LAP3: variants seen among roughly 807,000 people sequenced by gnomAD.
LAP3 encodes leucine aminopeptidase 3, also known as cytosol aminopeptidase.
In LAP3, 46 loss-of-function variants were observed where a neutral mutation model predicts 58.8. The ratio of observed to expected loss-of-function variants is 0.78; its 90% CI spans 0.62 to 1.00. The LOEUF (loss-of-function observed/expected upper bound fraction) is 1.00. Among genes scored for constraint, LAP3 ranks in the 50% least tolerant of loss-of-function variants. The pLI is 0.00. For missense variants in LAP3, 615 were observed against 659.1 expected (o/e 0.93, Z 0.73); for synonymous variants, 257 against 237.7 (o/e 1.08, Z -0.75).
intron 10 of LAP3, 131 bp from the exon 11 acceptor site, chr4:17,604,457 C>A (rs1346521554): frequency 3.1e-6 from 2 of 646,828 alleles, no homozygotes; most frequent in Non-Finnish European, 5.6e-6. Flanking sequence ...GGAAAGATTT[C>A]CTAAGCTTAT....
chr4:17,583,113 A>G (rs1039643554), intron 4 of LAP3, among the ~76,000 whole-genome samples: 1 of 152,194 alleles, frequency 6.6e-6, no homozygotes, highest in African/African-American at 2.4e-5. Flanking sequence ...TTTCAGCGTC[A>G]TCATTTCCCT....
intron 7 of LAP3, 146 bp downstream of exon 7, chr4:17,589,123 T>C (rs1713612109): frequency 1.3e-6 from 1 of 770,086 alleles, no homozygotes; most frequent in Non-Finnish European, 2.0e-6. Context: ...TGCAGTGGCG[T>C]GATCTCGGCT....
chr4:17,597,258 T>C, intron 9 of LAP3, 124 bp downstream of exon 9: 2 of 764,460 alleles, frequency 2.6e-6, no homozygotes, highest in Non-Finnish European at 4.6e-6. Context: ...GTGCTGTCTT[T>C]AGTGCTGGGT....
chr4:17,594,427 A>C (rs1014275982), intron 7 of LAP3, among the ~76,000 whole-genome samples: 1 of 152,198 alleles, frequency 6.6e-6, no homozygotes, highest in Non-Finnish European at 1.5e-5. Context: ...TTTTGAAGGA[A>C]AGCAGACTTC....
intron 7 of LAP3, among the ~76,000 whole-genome samples, chr4:17,591,910 A>G (rs1236121030): frequency 2.6e-5 from 4 of 152,114 alleles, no homozygotes; most frequent in African/African-American, 9.7e-5. Flanking sequence ...TGAGATTTAT[A>G]CATACAGTGA....
intron 6 of LAP3, 98 bp from the exon 7 acceptor site, chr4:17,588,721 T>C: frequency 1.7e-6 from 2 of 1,148,430 alleles, no homozygotes; most frequent in Non-Finnish European, 1.2e-6. Context: ...TTTAAGAGTT[T>C]GTATATTATA....
chr4:17,577,476 T>G lies in LAP3; in HGVS notation c.11T>G (p.Leu4Arg), dbSNP rs1363795580. 6.3e-7 allele frequency: 1 copy of G among 1,578,910 alleles called. No individual in the cohort carries two copies. Among genetic ancestry groups the G allele is most frequent in the Non-Finnish European group, 8.6e-7 (1 of 1,164,236 alleles). The part of the protein sequence containing the change: MFL[L>R]PLPAAGRVVV... ...GGCCGAGCCGACAAGATGTTCTTGC[T>G]GCCTCTTCCGGCTGCGGGGCGAGTA... Residue 4 changes from leucine to arginine, a missense_variant, in exon 1 of 13, where the codon CTG becomes CGG. Leu to Arg is a moderately radical substitution (Grantham distance 102). Coordinates refer to ENST00000226299, the MANE Select transcript of LAP3 (RefSeq NM_015907.3).
At chr4:17,580,084 G>C (rs1213491734) in intron 2 of LAP3, 145 bp downstream of exon 2, 1 of 441,784 alleles carries the variant, frequency 2.3e-6, no homozygotes, top group East Asian at 4.1e-5. Flanking sequence ...TTCAACCTCT[G>C]CCTCCTGGGT....
Position 17,577,563 on chromosome 4 carries a change from C to G in LAP3, c.98C>G (p.Thr33Arg). Residue 33 changes from threonine (T) to arginine (R), a missense_variant, in exon 1 of 13, where the codon ACG becomes AGG. Thr to Arg is a moderately conservative substitution (Grantham distance 71, BLOSUM62 -1). Transcript: ENST00000226299. The stretch of plus-strand genomic sequence containing the variant: ...CGGAGTCTCTCCACCGCAGACATGA[C>G]GAAGGTGAGAGGCGGCGGCTCGCTC... ...GSRSLSTADM[T>R]KGLVLGIYSK... 8 of 1,554,208 alleles carry G rather than the reference C, an allele frequency of 5.1e-6. No individual in the cohort carries two copies. Among genetic ancestry groups the G allele is most frequent in the Non-Finnish European group, 7.0e-6 (8 of 1,149,998 alleles).
In LAP3 at chr4:17,591,440, C is replaced by T. The variant is rs184965430; in HGVS notation, c.863+2463C>T. Among the ~76,000 whole-genome samples the T allele has an allele frequency of 1.3e-3, 203 of 152,174 alleles. 1 individual carries two copies. The highest frequency in any genetic ancestry group is 4.1e-3 in the Admixed American group (63 of 15,278). On this transcript the variant is annotated intron_variant, in intron 7 of 12. Coordinates refer to ENST00000226299, the MANE Select transcript of LAP3 (RefSeq NM_015907.3). Reference sequence around the variant, plus strand: ...ACCGGTGTGAGCCACCACACCTGGCCCTAGACTAAATGTCTTGCCAATTGT... The same window carrying T: ...ACCGGTGTGAGCCACCACACCTGGCTCTAGACTAAATGTCTTGCCAATTGT...
Position 17,595,417 on chromosome 4 carries a change from A to G in LAP3, c.871A>G (p.Ile291Val). The change falls in exon 8 of 13, where the codon ATC becomes GTC. Residue 291 changes from isoleucine (I) to valine (V), a missense_variant. Ile to Val is a conservative substitution (Grantham distance 29). Coordinates refer to ENST00000226299, the MANE Select transcript of LAP3 (RefSeq NM_015907.3). Reference sequence around the variant, plus strand: ...TTGTCCATTTCCCCATAGTGGTGGTATCTCCATCAAGGCTTCTGCAAATAT... The same window carrying G: ...TTGTCCATTTCCCCATAGTGGTGGTGTCTCCATCAAGGCTTCTGCAAATAT... Reference protein sequence around the residue: ...GKGITFDSGGISIKASANMDL... With the variant: ...GKGITFDSGGVSIKASANMDL... 1 of 1,613,838 alleles carries G rather than the reference A, an allele frequency of 6.2e-7. No individual in the cohort carries two copies. The highest frequency in any genetic ancestry group is 8.5e-7 in the Non-Finnish European group (1 of 1,179,878).
chr4:17,579,597 T>C (rs114807124), intron 1 of LAP3, among the ~76,000 whole-genome samples: 191 of 152,296 alleles, frequency 1.3e-3, no homozygotes, highest in African/African-American at 4.4e-3. Flanking sequence ...CAGGGCAATG[T>C]CCAGGACGGG....
chr4:17,579,975 C>A, intron 2 of LAP3, 36 bp downstream of exon 2: 3 of 1,185,266 alleles, frequency 2.5e-6, no homozygotes, highest in Non-Finnish European at 3.7e-6. Flanking sequence ...TCTTAAAGTG[C>A]CCCCAAATCG....
At chr4:17,584,860 G>GT (rs770312843) in intron 5 of LAP3, 112 bp from the exon 6 acceptor site, 18 of 1,054,816 alleles carry the variant, frequency 1.7e-5, no homozygotes, top group Non-Finnish European at 2.4e-5. Flanking sequence ...AATTGTTTTT[G>GT]ATTTGTAGTC....
At chr4:17,598,686 C>A in intron 10 of LAP3, 128 bp downstream of exon 10, 1 of 649,424 alleles carries the variant, frequency 1.5e-6, no homozygotes. Context: ...AAAGATCTTT[C>A]ACCAGAGGAA....
At position 17,582,143 on chromosome 4, in the gene LAP3, A is replaced by G. The variant is rs1190489929; in HGVS notation, c.274-145A>G. 6 of 695,770 alleles carry G rather than the reference A, an allele frequency of 8.6e-6. No individual in the cohort carries two copies. The African/African-American group carries it at 9.1e-5, about 11-fold the overall frequency. The allele number at this position is 695,770 out of a possible 1,614,324, so 43.1% of individuals were successfully genotyped here. ...AAGGTTTTAAGAAAAAAAAGCCACAACCAAATTTCACCGTGCGTTTAGCCC... is the reference window on the plus strand; with the variant it reads ...AAGGTTTTAAGAAAAAAAAGCCACAGCCAAATTTCACCGTGCGTTTAGCCC... On this transcript the variant is annotated intron_variant, in intron 3 of 12. Transcript: ENST00000226299.
At chr4:17,594,153 G>A (rs1165500636) in intron 7 of LAP3, among the ~76,000 whole-genome samples, 1 of 152,156 alleles carries the variant, frequency 6.6e-6, no homozygotes, top group Non-Finnish European at 1.5e-5. Flanking sequence ...GTGAGCCAAA[G>A]CTGATTGCTG....
chr4:17,591,303 G>A (rs1713685380), intron 7 of LAP3, among the ~76,000 whole-genome samples: 1 of 151,772 alleles, frequency 6.6e-6, no homozygotes, highest in South Asian at 2.1e-4. Context: ...ACCACGCCTG[G>A]CTAATTTTTT....
chr4:17,601,758 G>A (rs1303261771), intron 10 of LAP3, among the ~76,000 whole-genome samples: 23 of 151,898 alleles, frequency 1.5e-4, no homozygotes, highest in African/African-American at 5.1e-4. Flanking sequence ...GTAAATATTC[G>A]TTACACTGTA....
Sources: gnomAD v4.1 joint callset for allele counts (sites outside exome capture counted in the v4.1 genomes callset) on GRCh38, gnomAD v4.1.1 for gene constraint, MANE v1.5 for transcripts, NCBI Gene and HGNC (gene_info 2026-07-23, HGNC 2026-07-21) for gene names.